SH3YL1: variants seen among roughly 807,000 people sequenced by gnomAD.
The protein encoded by SH3YL1 is SH3 and SYLF domain containing 1.
Under a neutral mutation model 45.8 loss-of-function variants are expected in SH3YL1, and 41 were observed. That is an observed-to-expected ratio of 0.89 (90% CI 0.70 to 1.16). The LOEUF (loss-of-function observed/expected upper bound fraction) is 1.16. Ranked by LOEUF, SH3YL1 falls within the 50% of genes most tolerant of loss-of-function variation. The pLI is 0.00. For synonymous variants in SH3YL1, 152 were observed against 151.4 expected, an observed-to-expected ratio of 1.00 and a Z score of -0.03; for missense variants, 389 against 409.6, an observed-to-expected ratio of 0.95 and a Z score of 0.43.
intron 4 of SH3YL1, among the ~76,000 whole-genome samples, chr2:236,181 C>T (rs796905983): frequency 0.029 from 455 of 15,480 alleles, 4 homozygotes; most frequent in Middle Eastern, 0.1. Context: ...GGCAGCAGCA[C>T]GGGCCAGGGG....
chr2:229,229 C>T (rs1572146001), intron 8 of SH3YL1, among the ~76,000 whole-genome samples: 1 of 152,096 alleles, frequency 6.6e-6, no homozygotes, highest in African/African-American at 2.4e-5. Flanking sequence ...TAAATGTCAT[C>T]TAGTTTAAAA....
At chr2:238,950 T>G (rs754964684) in intron 4 of SH3YL1, among the ~76,000 whole-genome samples, 3 of 152,188 alleles carry the variant, frequency 2.0e-5, no homozygotes, top group African/African-American at 7.2e-5. Flanking sequence ...TCTGGGAGTC[T>G]AAAGGTTGAG....
At chr2:221,784 C>T (rs1025190560) in intron 9 of SH3YL1, among the ~76,000 whole-genome samples, 36 of 151,530 alleles carry the variant, frequency 2.4e-4, no homozygotes, top group African/African-American at 7.7e-4. Flanking sequence ...AAACTCCATC[C>T]ACATGAAAAT....
At chr2:257,284 T>C (rs1485444959) in intron 1 of SH3YL1, among the ~76,000 whole-genome samples, 3 of 152,224 alleles carry the variant, frequency 2.0e-5, no homozygotes, top group East Asian at 3.8e-4. Context: ...GCTTTTGGCA[T>C]CTTTATCATA....
At chr2:259,584 G>A (rs755000704) in intron 1 of SH3YL1, 12 of 151,822 alleles carry the variant, frequency 7.9e-5, no homozygotes, top group Non-Finnish European at 1.6e-4. Flanking sequence ...GGAGAACAAT[G>A]ACAGCCCAGC....
intron 1 of SH3YL1, among the ~76,000 whole-genome samples, chr2:254,208 G>C (rs970069704): frequency 6.6e-6 from 1 of 152,148 alleles, no homozygotes; most frequent in African/African-American, 2.4e-5. Context: ...AGGAAGACTT[G>C]GGAATTGAGC....
rs374906690 is a variant in SH3YL1 at position 234,145 on chromosome 2, A to G, written c.404+15T>C. The G allele has an allele frequency of 8.9e-6, 14 of 1,579,712 alleles. No individual in the cohort carries two copies. The highest frequency in any genetic ancestry group is 3.3e-4 in the Middle Eastern group (2 of 5,972). ...GTTAAACCTTTACTGTCTAACATCT[A>G]TTTAAAGAACTCACCTTCCCAAGGG... On this transcript the variant is annotated intron_variant, in intron 5 of 9. Transcript: ENST00000356150.
In SH3YL1 at chr2:233,169, T is replaced by C. The variant is rs755423652; in HGVS notation, c.465A>G (p.Ser155=). ...AAGACACGCCTGCAAAGAGTCCCCT[T>C]GACTTGCAGTACGTGAAGACGGCAG... is the stretch of plus-strand genomic sequence containing the variant. The part of the protein sequence containing the change: ...SSAAVFTYCK[S]RGLFAGVSLE... The change falls in exon 6 of 10, where the codon TCA becomes TCG. Residue 155 remains serine (S), a synonymous_variant. Transcript: ENST00000356150. 2.5e-6 allele frequency: 4 copies of C among 1,598,012 alleles called. No homozygotes were observed. The South Asian group carries it at 3.4e-5, about 13-fold the overall frequency.
rs146639715 is a variant in SH3YL1 at position 253,227 on chromosome 2, G to A, written c.2-112C>T. 926 of 650,008 alleles carry A rather than the reference G, an allele frequency of 1.4e-3. 7 individuals carry two copies. In the African/African-American group the frequency reaches 0.015, roughly 11 times the overall value. 40.3% of individuals were successfully genotyped at this position (650,008 alleles called of 1,614,324 possible). On this transcript the variant is annotated intron_variant, in intron 1 of 9. Coordinates refer to ENST00000356150, the MANE Select transcript of SH3YL1 (RefSeq NM_015677.4). ...ATTGTCAGAGGTGTTCAAACCAGAG[G>A]GACTCCATTTTGAATAGGAGCTGGG...
At chr2:252,226 T>C (rs547939511) in intron 2 of SH3YL1, among the ~76,000 whole-genome samples, 1 of 152,224 alleles carries the variant, frequency 6.6e-6, no homozygotes, top group South Asian at 2.1e-4. Context: ...CTGATGCACA[T>C]CTGTGTTAGG....
chr2:231,196 TG>T lies in SH3YL1; in HGVS notation c.534-6del. On this transcript the variant is annotated splice_polypyrimidine_tract_variant and splice_region_variant and intron_variant, in intron 6 of 9. Transcript: ENST00000356150. ...CGGATATCTTGACAATAAAATCTAA[TG>T]GGAAATATAAAATTAAAAACATTTT... The T allele has an allele frequency of 6.3e-7, 1 of 1,590,234 alleles. No homozygotes were observed. Among genetic ancestry groups the T allele is most frequent in the Non-Finnish European group, 8.6e-7 (1 of 1,167,138 alleles).
chr2:225,067 A>G, intron 8 of SH3YL1, 147 bp from the exon 9 acceptor site: 1 of 678,410 alleles, frequency 1.5e-6, no homozygotes, highest in South Asian at 1.8e-5. Flanking sequence ...TGCGCTTTAA[A>G]TCACAAGGTA....
chr2:243,914 G>A (rs1159428374), intron 4 of SH3YL1, among the ~76,000 whole-genome samples: 1 of 152,096 alleles, frequency 6.6e-6, no homozygotes, highest in Non-Finnish European at 1.5e-5. Flanking sequence ...CAGTGAGGTG[G>A]GCTTTACCAC....
intron 3 of SH3YL1, 77 bp from the exon 4 acceptor site, chr2:247,679 A>C: frequency 9.0e-7 from 1 of 1,112,352 alleles, no homozygotes; most frequent in East Asian, 2.6e-5. Context: ...AAAAATGCTA[A>C]AATCTAAAGA....
chr2:231,292 C>T, intron 6 of SH3YL1, 101 bp from the exon 7 acceptor site: 1 of 851,788 alleles, frequency 1.2e-6, no homozygotes, highest in Non-Finnish European at 1.8e-6. Context: ...TATAATCATT[C>T]ATACATAGCA....
intron 9 of SH3YL1, 34 bp from the exon 10 acceptor site, chr2:219,035 CT>C: frequency 6.4e-7 from 1 of 1,560,852 alleles, no homozygotes; most frequent in Non-Finnish European, 8.7e-7. Context: ...CGTTTATGTT[CT>C]TTAAGGGAGA....
At chr2:222,218 C>A (rs1458975615) in intron 9 of SH3YL1, 1 of 152,084 alleles carries the variant, frequency 6.6e-6, no homozygotes, top group Non-Finnish European at 1.5e-5. Context: ...TTATTTTTCC[C>A]AAACAGGAAG....
At chr2:252,229 G>A (rs1669099778) in intron 2 of SH3YL1, among the ~76,000 whole-genome samples, 1 of 152,244 alleles carries the variant, frequency 6.6e-6, no homozygotes, top group Admixed American at 6.5e-5. Flanking sequence ...ATGCACATCT[G>A]TGTTAGGAAT....
intron 9 of SH3YL1, among the ~76,000 whole-genome samples, 159 bp downstream of exon 9, chr2:224,705 A>C (rs1667719384): frequency 6.6e-6 from 1 of 152,254 alleles, no homozygotes; most frequent in East Asian, 1.9e-4. Context: ...AAAGCATAGC[A>C]TTTTCTAAAT....
Sources: allele counts gnomAD v4.1 joint callset (sites outside exome capture counted in the v4.1 genomes callset), GRCh38; gene constraint gnomAD v4.1.1; transcripts MANE v1.5; gene names NCBI Gene and HGNC (gene_info 2026-07-23, HGNC 2026-07-21).